PTPRR: variants seen among roughly 807,000 people sequenced by gnomAD.
The protein encoded by PTPRR is receptor-type tyrosine-protein phosphatase R.
A neutral mutation model predicts 77.2 loss-of-function variants in PTPRR; 38 were observed. That is an observed-to-expected ratio of 0.49 (90% CI 0.38 to 0.65). The LOEUF (loss-of-function observed/expected upper bound fraction) is 0.65. PTPRR is among the 30% of genes least tolerant of loss of function. PTPRR has a pLI of 0.00. For missense variants in PTPRR, 744 were observed against 799.2 expected (o/e 0.93, Z 0.83); for synonymous variants, 299 against 283.1 (o/e 1.06, Z -0.57).
chr12:70,856,250 G>A (rs1442534191), intron 2 of PTPRR, among the ~76,000 whole-genome samples: 7 of 152,136 alleles, frequency 4.6e-5, no homozygotes, highest in Non-Finnish European at 8.8e-5. Context: ...CTATGGTGGG[G>A]AGAAAGACAT....
chr12:70,801,495 A>G (rs1891613922), intron 2 of PTPRR, among the ~76,000 whole-genome samples: 1 of 152,236 alleles, frequency 6.6e-6, no homozygotes. Context: ...TCTCTGCCTG[A>G]CTGAGTAGGT....
intron 1 of PTPRR, among the ~76,000 whole-genome samples, chr12:70,917,990 A>G (rs10879218): frequency 0.64 from 98,092 of 152,094 alleles, 33,876 homozygotes; most frequent in African/African-American, 0.9. Flanking sequence ...TTATGAAGTC[A>G]GCCTCTGTTC....
At chr12:70,791,119 T>C (rs11178424) in intron 2 of PTPRR, among the ~76,000 whole-genome samples, 2 of 152,312 alleles carry the variant, frequency 1.3e-5, no homozygotes, top group South Asian at 2.1e-4. Flanking sequence ...AACCATAAAT[T>C]AGATCATGTC....
intron 2 of PTPRR, among the ~76,000 whole-genome samples, chr12:70,771,909 A>G (rs1056070390): frequency 6.6e-6 from 1 of 152,170 alleles, no homozygotes; most frequent in African/African-American, 2.4e-5. Context: ...GATTTGGTCT[A>G]AGATAAACAA....
At chr12:70,677,536 G>T (rs1392748241) in intron 10 of PTPRR, among the ~76,000 whole-genome samples, 1 of 152,018 alleles carries the variant, frequency 6.6e-6, no homozygotes, top group Non-Finnish European at 1.5e-5. Context: ...TATGATGTTT[G>T]TTGTGGGCTT....
intron 2 of PTPRR, among the ~76,000 whole-genome samples, chr12:70,793,525 T>C (rs1891456725): frequency 6.6e-6 from 1 of 152,194 alleles, no homozygotes; most frequent in Non-Finnish European, 1.5e-5. Context: ...GACATTTTGT[T>C]TGTTGACTTT....
rs1411901369 is a variant in PTPRR at position 70,844,899 on chromosome 12, G to C, written c.357+47780C>G. 2.0e-5 allele frequency among the ~76,000 whole-genome samples: 3 copies of C among 152,034 alleles called. No individual in the cohort carries two copies. In the East Asian group the frequency reaches 5.8e-4, roughly 29 times the overall value. ...TCATGCTCTCAAGGAATTAGAATTT[G>C]GTTGAGGGTAAGACCAAAACAACAA... On this transcript the variant is annotated intron_variant, in intron 2 of 13. Transcript: ENST00000283228.
intron 2 of PTPRR, among the ~76,000 whole-genome samples, chr12:70,814,675 A>G (rs1170450006): frequency 6.6e-6 from 1 of 152,084 alleles, no homozygotes; most frequent in Non-Finnish European, 1.5e-5. Flanking sequence ...GTGCTTAGAG[A>G]TGCCTTCAAG....
At chr12:70,718,611 T>G (rs1317061419) in intron 6 of PTPRR, among the ~76,000 whole-genome samples, 1 of 152,188 alleles carries the variant, frequency 6.6e-6, no homozygotes, top group Non-Finnish European at 1.5e-5. Flanking sequence ...TGTCTTACCA[T>G]TCAGGGTTGA....
intron 4 of PTPRR, among the ~76,000 whole-genome samples, chr12:70,757,530 T>C (rs1452577728): frequency 6.6e-6 from 1 of 152,190 alleles, no homozygotes; most frequent in Non-Finnish European, 1.5e-5. Context: ...TGTCTTTTCC[T>C]TTAAGAAACA....
chr12:70,822,836 C>T (rs1160109620), intron 2 of PTPRR, among the ~76,000 whole-genome samples: 1 of 152,106 alleles, frequency 6.6e-6, no homozygotes, highest in East Asian at 1.9e-4. Context: ...AATGTCCTCT[C>T]ATCTCTTAAT....
Position 70,746,145 on chromosome 12 carries a change from AT to A in PTPRR, c.739-60del. On this transcript the variant is annotated intron_variant, in intron 5 of 13. Coordinates refer to ENST00000283228, the MANE Select transcript of PTPRR (RefSeq NM_002849.4). Reference sequence around the variant, plus strand: ...TTTTCTCACACTAAACAAGAGTATGATCTCCTCCACCCCACCCTGGCCGACA... The same window carrying A: ...TTTTCTCACACTAAACAAGAGTATGACTCCTCCACCCCACCCTGGCCGACA... 4 of 1,502,752 alleles carry A rather than the reference AT, an allele frequency of 2.7e-6. No homozygotes were observed. The South Asian group carries it at 3.7e-5, about 14-fold the overall frequency. The allele number at this position is 1,502,752 out of a possible 1,614,324, so 93.1% of individuals were successfully genotyped here.
chr12:70,704,319 G>A (rs1209158693), intron 6 of PTPRR, among the ~76,000 whole-genome samples: 1 of 152,078 alleles, frequency 6.6e-6, no homozygotes, highest in Non-Finnish European at 1.5e-5. Flanking sequence ...TCGGGAGGAT[G>A]AGGCCGGAAG....
At chr12:70,857,577 A>G (rs1485293253) in intron 2 of PTPRR, among the ~76,000 whole-genome samples, 1 of 152,170 alleles carries the variant, frequency 6.6e-6, no homozygotes, top group African/African-American at 2.4e-5. Flanking sequence ...AAATGTTAAC[A>G]TATTTGCAGG....
intron 13 of PTPRR, among the ~76,000 whole-genome samples, chr12:70,653,823 G>C (rs1205035798): frequency 6.6e-6 from 1 of 152,182 alleles, no homozygotes; most frequent in Non-Finnish European, 1.5e-5. Flanking sequence ...TGGAATCTGG[G>C]ATGTAAACTC....
intron 2 of PTPRR, among the ~76,000 whole-genome samples, chr12:70,830,221 G>A (rs2137049471): frequency 6.6e-6 from 1 of 152,272 alleles, no homozygotes; most frequent in East Asian, 1.9e-4. Context: ...TTTCTGATGT[G>A]TGAGTTAAAA....
chr12:70,672,275 A>G, intron 10 of PTPRR: 1 of 1,594,076 alleles, frequency 6.3e-7, no homozygotes, highest in East Asian at 2.2e-5. Context: ...GGACCACTGC[A>G]AAGAACAGAA....
Position 70,692,357 on chromosome 12 carries a change from A to G in PTPRR, c.1279+5908T>C, listed in dbSNP as rs369102760. 2.2e-4 allele frequency among the ~76,000 whole-genome samples: 34 copies of G among 152,354 alleles called. 2 individuals carry two copies. The East Asian group carries it at 5.0e-3, about 22-fold the overall frequency. On this transcript the variant is annotated intron_variant, in intron 8 of 13. Coordinates refer to ENST00000283228, the MANE Select transcript of PTPRR (RefSeq NM_002849.4). ...TCTATCTGTGCTGTCCAAAAAATGT[A>G]GCCTCTAGCTTTCAAGCACTTGAAA...
chr12:70,783,626 G>T (rs1226448280), intron 2 of PTPRR, among the ~76,000 whole-genome samples: 1 of 152,016 alleles, frequency 6.6e-6, no homozygotes, highest in Non-Finnish European at 1.5e-5. Context: ...CCAAGAAAAA[G>T]CACCATGAGC....
Sources: allele counts gnomAD v4.1 joint callset (sites outside exome capture counted in the v4.1 genomes callset), GRCh38; gene constraint gnomAD v4.1.1; transcripts MANE v1.5; gene names NCBI Gene and HGNC (gene_info 2026-07-23, HGNC 2026-07-21).